DST: variants seen among roughly 807,000 people sequenced by gnomAD.
DST encodes the protein bullous pemphigoid antigen.
Under a neutral mutation model 875.2 loss-of-function variants are expected in DST, and 253 were observed. The observed-to-expected ratio is 0.29, with a 90% CI of 0.26 to 0.32. DST has a LOEUF of 0.32. Among genes scored for constraint, DST ranks in the 10% least tolerant of loss-of-function variants. The pLI, the probability that DST is intolerant of heterozygous loss-of-function variation, is 1.00. For missense variants in DST, 8,287 were observed against 9,111.6 expected, an observed-to-expected ratio of 0.91 and a Z score of 3.68; for synonymous variants, 3,124 against 3,197.1, an observed-to-expected ratio of 0.98 and a Z score of 0.77.
At chr6:56,885,326 T>C (rs1344090745) in intron 3 of DST, among the ~76,000 whole-genome samples, 1 of 152,226 alleles carries the variant, frequency 6.6e-6, no homozygotes, top group African/African-American at 2.4e-5. Flanking sequence ...TGTGCCAGGG[T>C]TCAATATTCA....
At chr6:56,801,932 T>C (rs968924687) in intron 4 of DST, among the ~76,000 whole-genome samples, 5 of 151,940 alleles carry the variant, frequency 3.3e-5, no homozygotes, top group Non-Finnish European at 5.9e-5. Flanking sequence ...GTATTTTTAG[T>C]ACAGGAGGGG....
At chr6:56,852,381 G>A (rs1005496394) in intron 3 of DST, among the ~76,000 whole-genome samples, 8 of 152,176 alleles carry the variant, frequency 5.3e-5, no homozygotes, top group Non-Finnish European at 8.8e-5. Context: ...ATGATGCTGC[G>A]CAGTGACAGG....
In DST at chr6:56,587,618, C is replaced by T. The variant is rs376259039; in HGVS notation, c.12903+4564G>A. ...CCAAGACACATAATTGTCAGATTCA[C>T]CAAAGTTGAAATGAAGGAAAAAATG... is the stretch of plus-strand genomic sequence containing the variant. On this transcript the variant is annotated intron_variant, in intron 49 of 103. Coordinates refer to ENST00000680361, the MANE Select transcript of DST (RefSeq NM_001374736.1). Among the ~76,000 whole-genome samples, 4 of 152,088 alleles carry T rather than the reference C, an allele frequency of 2.6e-5. No individual in the cohort carries two copies. The South Asian group carries it at 8.3e-4, about 32-fold the overall frequency.
At chr6:56,904,829 C>T (rs982941206) in intron 2 of DST, among the ~76,000 whole-genome samples, 2 of 152,162 alleles carry the variant, frequency 1.3e-5, no homozygotes, top group African/African-American at 4.8e-5. Flanking sequence ...CTAGCTCTGT[C>T]GCTAGGCTGG....
intron 32 of DST, 39 bp from the exon 33 acceptor site, chr6:56,628,200 A>C: frequency 6.3e-7 from 1 of 1,578,034 alleles, no homozygotes; most frequent in Non-Finnish European, 8.7e-7. Context: ...GTGTCCAGCG[A>C]TATCCATCAG....
intron 9 of DST, among the ~76,000 whole-genome samples, chr6:56,687,095 A>G (rs1345865201): frequency 6.6e-6 from 1 of 152,166 alleles, no homozygotes; most frequent in Non-Finnish European, 1.5e-5. Context: ...GCAGAAACTG[A>G]CTTGTGGGAC....
chr6:56,669,098 G>A (rs908162474), intron 10 of DST, among the ~76,000 whole-genome samples: 3 of 151,860 alleles, frequency 2.0e-5, no homozygotes, highest in Admixed American at 6.6e-5. Context: ...GAGAGAACAC[G>A]AGTATAGCAT....
chr6:56,782,136 T>A (rs2099695385), intron 4 of DST, among the ~76,000 whole-genome samples: 1 of 152,256 alleles, frequency 6.6e-6, no homozygotes, highest in African/African-American at 2.4e-5. Context: ...AGTATTTTAT[T>A]GAGGATTTTT....
Position 56,606,240 on chromosome 6 carries a change from A to T in DST, c.8388T>A (p.Asp2796Glu). The T allele has an allele frequency of 6.4e-7, 1 of 1,566,844 alleles. No individual in the cohort carries two copies. The highest frequency in any genetic ancestry group is 8.7e-7 in the Non-Finnish European group (1 of 1,154,098). The change falls in exon 40 of 104, where the codon GAT becomes GAA. Residue 2796 changes from aspartate to glutamate, a missense_variant. Transcript: ENST00000680361. Reference protein sequence around the residue: ...DSMQSEESYGDYIYDSNDQDD... With the variant: ...DSMQSEESYGEYIYDSNDQDD... ...CCTGATCATTACTGTCATATATATA[A>T]TCCCCATAACTTTCTTCACTTTGCA...
chr6:56,692,246 A>G (rs2099235318), intron 9 of DST: 1 of 373,602 alleles, frequency 2.7e-6, no homozygotes, highest in African/African-American at 2.1e-5. Flanking sequence ...ACCTGAGGCT[A>G]CTAACAAAAC....
chr6:56,558,391 A>G (rs906168118), intron 58 of DST, among the ~76,000 whole-genome samples: 5 of 152,090 alleles, frequency 3.3e-5, no homozygotes, highest in African/African-American at 1.2e-4. Flanking sequence ...ATTAAGAATC[A>G]CCTGGAGGCA....
rs556304689 is a variant in DST at position 56,894,976 on chromosome 6, G to A, written c.417+5445C>T. ...TCCCGGACGGGGCGGCTGGCCAGGC[G>A]GGGGGCTGACCCCCCTACCTCCCTC... On this transcript the variant is annotated intron_variant, in intron 3 of 103. Coordinates refer to ENST00000680361, the MANE Select transcript of DST (RefSeq NM_001374736.1). Among the ~76,000 whole-genome samples, 11 of 102,380 alleles carry A rather than the reference G, an allele frequency of 1.1e-4. 1 individual carries two copies. Among genetic ancestry groups the A allele is most frequent in the Middle Eastern group, 6.1e-3 (1 of 164 alleles). 67.2% of individuals were successfully genotyped at this position (102,380 alleles called of 152,430 possible).
At chr6:56,646,799 C>T (rs1472627778) in intron 13 of DST, among the ~76,000 whole-genome samples, 1 of 152,060 alleles carries the variant, frequency 6.6e-6, no homozygotes, top group East Asian at 1.9e-4. Flanking sequence ...ATTTGGGAAC[C>T]TCTTAAATAC....
intron 49 of DST, among the ~76,000 whole-genome samples, chr6:56,582,353 T>C (rs1174575077): frequency 2.0e-5 from 3 of 152,140 alleles, no homozygotes; most frequent in East Asian, 3.9e-4. Context: ...TCTAGCAAGA[T>C]CTGGTCATTT....
At chr6:56,727,778 T>C (rs2152921480) in intron 5 of DST, among the ~76,000 whole-genome samples, 1 of 152,388 alleles carries the variant, frequency 6.6e-6, no homozygotes, top group African/African-American at 2.4e-5. Flanking sequence ...TCTACTTCTC[T>C]GTCTCCATTT....
rs576608573 is a variant in DST at position 56,866,930 on chromosome 6, G to GT, written c.418-15327dup. Among the ~76,000 whole-genome samples the GT allele has an allele frequency of 7.2e-5, 11 of 152,246 alleles. No individual in the cohort carries two copies. The South Asian group carries it at 1.5e-3, about 20-fold the overall frequency. On this transcript the variant is annotated intron_variant, in intron 3 of 103. Transcript: ENST00000680361. ...TTCCAATTTCCTGCAATAAATATTA[G>GT]TTTTTTCTTATTTATCTTTATTTCT...
intron 2 of DST, among the ~76,000 whole-genome samples, chr6:56,903,947 G>A (rs1297990680): frequency 1.3e-5 from 2 of 152,110 alleles, no homozygotes; most frequent in East Asian, 3.8e-4. Context: ...CACTATCTGG[G>A]TTCTAATACT....
At chr6:56,746,532 G>A (rs1436376761) in intron 4 of DST, among the ~76,000 whole-genome samples, 1 of 151,844 alleles carries the variant, frequency 6.6e-6, no homozygotes. Flanking sequence ...TCTGCACATA[G>A]TAACACAAAA....
intron 2 of DST, among the ~76,000 whole-genome samples, chr6:56,932,112 C>A (rs1810642331): frequency 6.6e-6 from 1 of 152,146 alleles, no homozygotes; most frequent in Non-Finnish European, 1.5e-5. Context: ...CCATAATTCC[C>A]ATGTGTTGTG....
Sources: allele counts gnomAD v4.1 joint callset (sites outside exome capture counted in the v4.1 genomes callset), GRCh38; gene constraint gnomAD v4.1.1; transcripts MANE v1.5; gene names NCBI Gene and HGNC (gene_info 2026-07-23, HGNC 2026-07-21).